The following FANCA variants were observed in gnomAD, a reference collection of about 807,000 sequenced individuals.
FANCA encodes the protein FA complementation group A, also known as Fanconi anemia group A protein.
A neutral mutation model predicts 194.3 loss-of-function variants in FANCA; 236 were observed. That is an observed-to-expected ratio of 1.21 (90% confidence interval 1.09 to 1.35). FANCA has a LOEUF of 1.35. Among genes scored for constraint, FANCA ranks in the 40% most tolerant of loss-of-function variants. The probability of loss-of-function intolerance (pLI) is 0.00; values close to 1 mark genes in which losing one functional copy is unlikely to be tolerated. For synonymous variants in FANCA, 1,014 were observed against 715.8 expected (o/e 1.42, Z -6.65); for missense variants, 2,628 against 1,813.9 (o/e 1.45, Z -8.15).
chr16:89,764,105 G>C (rs1182685463), intron 28 of FANCA, among the ~76,000 whole-genome samples: 1 of 151,484 alleles, frequency 6.6e-6, no homozygotes, highest in East Asian at 2.0e-4. Context: ...AGTCGGGCGT[G>C]GTGGCAGGCG....
rs1472463120 is a variant in FANCA, at chr16:89,746,905, A to G, written c.3349-15T>C. 1.3e-6 allele frequency: 2 copies of G among 1,552,482 alleles called. No homozygotes were observed. The highest frequency in any genetic ancestry group is 2.4e-5 in the East Asian group (1 of 41,034). ...CAGAAGTTTCTCTGCAAAAGAGTTCAAGGCAGGTAAGAAAAGCCCACAGGA... is the reference window on the plus strand; with the variant it reads ...CAGAAGTTTCTCTGCAAAAGAGTTCGAGGCAGGTAAGAAAAGCCCACAGGA... On this transcript the variant is annotated splice_polypyrimidine_tract_variant and intron_variant, in intron 33 of 42. Coordinates refer to ENST00000389301, the MANE Select transcript of FANCA (RefSeq NM_000135.4).
Position 89,753,331 on chromosome 16 carries a change from A to G in FANCA, c.2982-1109T>C, listed in dbSNP as rs565402950. Among the ~76,000 whole-genome samples, 5 of 152,252 alleles carry G rather than the reference A, an allele frequency of 3.3e-5. No homozygotes were observed. In the South Asian group the frequency reaches 1.0e-3, roughly 32 times the overall value. On this transcript the variant is annotated intron_variant, in intron 30 of 42. Coordinates refer to ENST00000389301, the MANE Select transcript of FANCA (RefSeq NM_000135.4). Reference sequence around the variant, plus strand: ...TCGGGGCCACTACCGGTCTCCGCGCATTGGTGGTAGTGGTCCCCCGGGCCC... The same window carrying G: ...TCGGGGCCACTACCGGTCTCCGCGCGTTGGTGGTAGTGGTCCCCCGGGCCC...
At chr16:89,754,895 T>C (rs985731774) in intron 30 of FANCA, among the ~76,000 whole-genome samples, 1 of 152,022 alleles carries the variant, frequency 6.6e-6, no homozygotes, top group Non-Finnish European at 1.5e-5. Flanking sequence ...GACAAGCTCA[T>C]CCCAAAATTA....
intron 3 of FANCA, among the ~76,000 whole-genome samples, chr16:89,811,946 C>A (rs115802985): frequency 1.3e-3 from 192 of 150,980 alleles, no homozygotes; most frequent in African/African-American, 4.4e-3. Flanking sequence ...TGGCTAGGCT[C>A]GTCTCCAATT....
rs1034563287 is a variant in FANCA at position 89,764,673 on chromosome 16, C to G, written c.2778+217G>C. On this transcript the variant is annotated intron_variant, in intron 28 of 42. Transcript: ENST00000389301. ...TTAGTCAAGATTCCAATCAAACCAT[C>G]TAAGTGCTGCTGTTCTTGCCTCTGA... 1.4e-5 allele frequency: 9 copies of G among 646,676 alleles called. No individual in the cohort carries two copies. In the African/African-American group the frequency reaches 1.4e-4, roughly 10 times the overall value. The allele number at this position is 646,676 out of a possible 1,614,324, so 40.1% of individuals were successfully genotyped here.
chr16:89,813,931 G>A (rs946609248), intron 3 of FANCA, among the ~76,000 whole-genome samples: 2 of 152,054 alleles, frequency 1.3e-5, no homozygotes, highest in South Asian at 2.1e-4. Context: ...GGCTGAGCTT[G>A]GTTCCTTGGA....
At chr16:89,787,924 A>C (rs2039950904) in intron 14 of FANCA, among the ~76,000 whole-genome samples, 1 of 151,688 alleles carries the variant, frequency 6.6e-6, no homozygotes, top group Non-Finnish European at 1.5e-5. Flanking sequence ...CCCAGGCTGG[A>C]GTGCAGTGGT....
intron 18 of FANCA, 33 bp downstream of exon 18, chr16:89,779,836 G>GCA (rs2039640782): frequency 6.3e-7 from 1 of 1,586,134 alleles, no homozygotes; most frequent in African/African-American, 1.3e-5. Context: ...ACACACTGCA[G>GCA]CTGCTAGAGG....
intron 39 of FANCA, 110 bp from the exon 40 acceptor site, chr16:89,739,663 G>A (rs1038527465): frequency 2.0e-6 from 3 of 1,506,788 alleles, no homozygotes; most frequent in African/African-American, 1.4e-5. Context: ...TGGCTGTGGG[G>A]ATAGTGTGGG....
At chr16:89,787,075 CA>C (rs2039922499) in intron 14 of FANCA, among the ~76,000 whole-genome samples, 1 of 152,220 alleles carries the variant, frequency 6.6e-6, no homozygotes, top group African/African-American at 2.4e-5. Context: ...CCTGGGGTCA[CA>C]GCAGCCATTG....
intron 17 of FANCA, among the ~76,000 whole-genome samples, chr16:89,781,379 A>C (rs1231584171): frequency 6.0e-5 from 9 of 148,830 alleles, no homozygotes; most frequent in South Asian, 2.1e-4. Flanking sequence ...AAAAAAAAAA[A>C]AAAAAAACAA....
rs754659196 is a variant in FANCA, at chr16:89,811,066, C to G, written c.289G>C (p.Ala97Pro). ...ANHSSSFIGS[A>P]LQDQASRLGV... is the part of the protein sequence containing the mutation. Reference sequence around the variant, plus strand: ...AGCCTTGAGGCTTGATCCTGCAAAGCAGAGCCTTAAACACAAAACAAAACC... The same window carrying G: ...AGCCTTGAGGCTTGATCCTGCAAAGGAGAGCCTTAAACACAAAACAAAACC... The change falls in exon 4 of 43, where the codon GCT becomes CCT. Residue 97 changes from alanine (A) to proline (P), a missense_variant. Physicochemically the swap from Ala to Pro is conservative, Grantham distance 27. Transcript: ENST00000389301. 7 of 1,613,906 alleles carry G rather than the reference C, an allele frequency of 4.3e-6. No homozygotes were observed. Among genetic ancestry groups the G allele is most frequent in the Middle Eastern group, 1.6e-4 (1 of 6,080 alleles).
Position 89,791,916 on chromosome 16 carries a change from T to C in FANCA, c.1225+11A>G. ...CTTGACCAGCACCACCGGGCTCGCG[T>C]AAAAGCTCACCTTCAAGCAGCTGCT... On this transcript the variant is annotated intron_variant, in intron 13 of 42. Transcript: ENST00000389301. 1 of 1,613,898 alleles carries C rather than the reference T, an allele frequency of 6.2e-7. No individual in the cohort carries two copies.
At position 89,764,863 on chromosome 16, in the gene FANCA, G is replaced by A. The variant is rs180896604; in HGVS notation, c.2778+27C>T. On this transcript the variant is annotated intron_variant, in intron 28 of 42. Transcript: ENST00000389301. ...AAACCCTAGACTCAGGACGTGGCAT[G>A]ATGCAGGAGAAGGAACGGTCACCTA... The A allele has an allele frequency of 2.2e-5, 36 of 1,611,032 alleles. No homozygotes were observed. In the East Asian group the frequency reaches 7.8e-4, roughly 35 times the overall value.
intron 30 of FANCA, 130 bp from the exon 31 acceptor site, chr16:89,752,352 CAA>C (rs1325430198): frequency 2.5e-6 from 2 of 790,228 alleles, no homozygotes; most frequent in African/African-American, 3.4e-5. Flanking sequence ...CATTAGTCAA[CAA>C]TAAACAACAA....
chr16:89,794,342 G>C, intron 11 of FANCA, among the ~76,000 whole-genome samples: 1 of 152,008 alleles, frequency 6.6e-6, no homozygotes, highest in Non-Finnish European at 1.5e-5. Context: ...ACAAGGTCAG[G>C]AGTTCTAGAC....
chr16:89,800,809 T>A (rs529642627), intron 8 of FANCA, among the ~76,000 whole-genome samples: 1 of 152,012 alleles, frequency 6.6e-6, no homozygotes, highest in Non-Finnish European at 1.5e-5. Context: ...GGTGGGTGGA[T>A]CACCTGAGGT....
chr16:89,813,338 G>A (rs983560508), intron 3 of FANCA, among the ~76,000 whole-genome samples: 7 of 151,446 alleles, frequency 4.6e-5, no homozygotes, highest in Non-Finnish European at 7.4e-5. Flanking sequence ...AGGCCAGGAG[G>A]TCAAGACTGC....
intron 3 of FANCA, 41 bp from the exon 4 acceptor site, chr16:89,811,112 G>T: frequency 6.2e-7 from 1 of 1,612,980 alleles, no homozygotes; most frequent in South Asian, 1.1e-5. Flanking sequence ...CTTAACACAT[G>T]AGACAAAATC....
Sources: allele counts gnomAD v4.1 joint callset (sites outside exome capture counted in the v4.1 genomes callset), GRCh38; gene constraint gnomAD v4.1.1; transcripts MANE v1.5; gene names NCBI Gene and HGNC (gene_info 2026-07-23, HGNC 2026-07-21).